PARD3B: variants seen among roughly 807,000 people sequenced by gnomAD.
PARD3B encodes partitioning defective 3 homolog B.
In PARD3B, 103 loss-of-function variants were observed where a neutral mutation model predicts 130.2. The observed-to-expected ratio is 0.79, with a 90% CI of 0.67 to 0.93. The LOEUF is 0.93. Among genes scored for constraint, PARD3B ranks in the 40% least tolerant of loss-of-function variants. The pLI, the probability that PARD3B is intolerant of heterozygous loss-of-function variation, is 0.00. For synonymous variants in PARD3B, 583 were observed against 553.2 expected (o/e 1.05, Z -0.76); for missense variants, 1,609 against 1,499.2 (o/e 1.07, Z -1.21).
chr2:205,273,664 T>C (rs1005087217), intron 16 of PARD3B, among the ~76,000 whole-genome samples: 12 of 152,214 alleles, frequency 7.9e-5, no homozygotes, highest in African/African-American at 2.7e-4. Flanking sequence ...TTCTTTGAGA[T>C]GTCATGAGTT....
chr2:204,869,077 C>G (rs976644771), intron 2 of PARD3B, among the ~76,000 whole-genome samples: 1 of 152,022 alleles, frequency 6.6e-6, no homozygotes, highest in Non-Finnish European at 1.5e-5. Context: ...GTATTTTTTC[C>G]TTTTAAAGGT....
At chr2:205,528,487 T>G (rs1257385483) in intron 21 of PARD3B, among the ~76,000 whole-genome samples, 1 of 152,018 alleles carries the variant, frequency 6.6e-6, no homozygotes, top group Non-Finnish European at 1.5e-5. Context: ...GTGTCAGACA[T>G]GACACAATCT....
At position 204,642,832 on chromosome 2, in the gene PARD3B, G is replaced by A. The variant is rs183724600; in HGVS notation, c.121-43349G>A. Among the ~76,000 whole-genome samples the A allele has an allele frequency of 4.6e-5, 7 of 151,104 alleles. No individual in the cohort carries two copies. In the East Asian group the frequency reaches 1.2e-3, roughly 26 times the overall value. On this transcript the variant is annotated intron_variant, in intron 1 of 22. Transcript: ENST00000406610. ...TGTTGGAAAGTGTTTGGCACCTCTC[G>A]GCCGGGCGCGGTGGCTCACACCTGT...
intron 1 of PARD3B, among the ~76,000 whole-genome samples, chr2:204,601,641 G>T (rs979823870): frequency 6.6e-6 from 1 of 151,930 alleles, no homozygotes; most frequent in Non-Finnish European, 1.5e-5. Context: ...TCAATGTAGA[G>T]CTTAAGCAGT....
chr2:205,040,215 G>T (rs888883103), intron 3 of PARD3B, among the ~76,000 whole-genome samples: 1 of 152,164 alleles, frequency 6.6e-6, no homozygotes, highest in African/African-American at 2.4e-5. Flanking sequence ...ACCCACCTTG[G>T]CCTCCCAAAG....
At chr2:204,999,186 G>A (rs1413283898) in intron 3 of PARD3B, among the ~76,000 whole-genome samples, 2 of 150,636 alleles carry the variant, frequency 1.3e-5, no homozygotes, top group East Asian at 3.9e-4. Context: ...TTGTTGAACT[G>A]CAAACTTCTT....
chr2:205,182,658 A>C (rs771257291), intron 13 of PARD3B, among the ~76,000 whole-genome samples: 8 of 152,236 alleles, frequency 5.3e-5, no homozygotes, highest in African/African-American at 1.9e-4. Flanking sequence ...ATGCTATCCA[A>C]GAATTACTTT....
chr2:204,935,377 A>AAAC (rs1688361551), intron 2 of PARD3B, among the ~76,000 whole-genome samples: 1 of 148,914 alleles, frequency 6.7e-6, no homozygotes, highest in Non-Finnish European at 1.5e-5. Flanking sequence ...AAAATACAAA[A>AAAC]AAAAAAAAAA....
chr2:205,216,470 T>G (rs1332690386), intron 15 of PARD3B, among the ~76,000 whole-genome samples: 2 of 152,198 alleles, frequency 1.3e-5, no homozygotes, highest in Admixed American at 1.3e-4. Context: ...TGTTTCTGTA[T>G]ATTTCAAATC....
intron 10 of PARD3B, among the ~76,000 whole-genome samples, chr2:205,131,510 A>C (rs946326920): frequency 6.6e-6 from 1 of 152,202 alleles, no homozygotes; most frequent in Non-Finnish European, 1.5e-5. Context: ...TAGAAGCTTC[A>C]TCTGAAGATG....
chr2:204,867,745 C>T (rs995131511), intron 2 of PARD3B, among the ~76,000 whole-genome samples: 11 of 152,032 alleles, frequency 7.2e-5, no homozygotes, highest in African/African-American at 2.2e-4. Context: ...CTCTTTCCGG[C>T]GATGTATTTA....
At chr2:205,145,842 A>T (rs1329542502) in intron 10 of PARD3B, among the ~76,000 whole-genome samples, 1 of 143,450 alleles carries the variant, frequency 7.0e-6, no homozygotes, top group Admixed American at 7.0e-5. Flanking sequence ...AAAAAAAAAC[A>T]CCTTTTCCCC....
chr2:204,571,137 C>G (rs2031980608), intron 1 of PARD3B, among the ~76,000 whole-genome samples: 1 of 152,160 alleles, frequency 6.6e-6, no homozygotes, highest in Non-Finnish European at 1.5e-5. Context: ...AGTAGAAAAT[C>G]CACTAACTTG....
intron 20 of PARD3B, among the ~76,000 whole-genome samples, chr2:205,450,795 G>T (rs985527589): frequency 6.6e-6 from 1 of 152,144 alleles, no homozygotes. Context: ...GATTCTGTTA[G>T]ATCAGTCATA....
chr2:205,354,026 C>CTTTTTTTTTT (rs869308018), intron 18 of PARD3B, among the ~76,000 whole-genome samples: 99 of 50,356 alleles, frequency 2.0e-3, no homozygotes, highest in Non-Finnish European at 3.2e-3. Context: ...TTTTCTTTTC[C>CTTTTTTTTTT]TTTTTTTTTT....
chr2:205,220,624 T>C (rs1322600252), intron 15 of PARD3B, among the ~76,000 whole-genome samples: 1 of 152,182 alleles, frequency 6.6e-6, no homozygotes, highest in Non-Finnish European at 1.5e-5. Flanking sequence ...TTGGGGAAGA[T>C]GCCAGGCAGT....
At chr2:204,644,799 G>A (rs1216775698) in intron 1 of PARD3B, among the ~76,000 whole-genome samples, 1 of 151,926 alleles carries the variant, frequency 6.6e-6, no homozygotes. Flanking sequence ...GGGAAGAGTT[G>A]GATCTGAATA....
intron 10 of PARD3B, among the ~76,000 whole-genome samples, chr2:205,148,557 G>C (rs1464218456): frequency 6.6e-6 from 1 of 152,074 alleles, no homozygotes; most frequent in Non-Finnish European, 1.5e-5. Context: ...TCTTGCAGGT[G>C]TCTTATCCTT....
intron 5 of PARD3B, among the ~76,000 whole-genome samples, chr2:205,106,200 T>G (rs1293929002): frequency 6.6e-6 from 1 of 152,052 alleles, no homozygotes; most frequent in Non-Finnish European, 1.5e-5. Flanking sequence ...CAGGCTGGAG[T>G]GCAATGGCGT....
Sources: allele counts gnomAD v4.1 joint callset (sites outside exome capture counted in the v4.1 genomes callset), GRCh38; gene constraint gnomAD v4.1.1; transcripts MANE v1.5; gene names NCBI Gene and HGNC (gene_info 2026-07-23, HGNC 2026-07-21).